The following ZNF423 variants were observed in gnomAD, a reference collection of about 807,000 sequenced individuals.
ZNF423 encodes the protein Ebf-associated zinc finger protein.
ZNF423 carries 12 observed loss-of-function variants against 95.8 expected under a neutral mutation model. The ratio of observed to expected loss-of-function variants is 0.13; its 90% CI spans 0.08 to 0.20. The LOEUF is 0.20. Among genes scored for constraint, ZNF423 ranks in the 10% least tolerant of loss-of-function variants. The pLI, the probability that ZNF423 is intolerant of heterozygous loss-of-function variation, is 1.00. For missense variants in ZNF423, 1,316 were observed against 1,737.1 expected (o/e 0.76, Z 4.31); for synonymous variants, 749 against 711.9 (o/e 1.05, Z -0.83).
chr16:49,550,582 C>G (rs140109584), intron 5 of ZNF423, among the ~76,000 whole-genome samples: 19 of 152,384 alleles, frequency 1.2e-4, no homozygotes, highest in African/African-American at 4.6e-4. Context: ...TTCTACAAAA[C>G]CTGCAGTCAA....
intron 1 of ZNF423, among the ~76,000 whole-genome samples, chr16:49,794,406 T>C (rs1213285592): frequency 6.6e-6 from 1 of 152,054 alleles, no homozygotes; most frequent in African/African-American, 2.4e-5. Context: ...TTCCATCCCA[T>C]TTCCTCTCCT....
At chr16:49,573,020 G>C (rs1473665889) in intron 5 of ZNF423, among the ~76,000 whole-genome samples, 1 of 152,248 alleles carries the variant, frequency 6.6e-6, no homozygotes, top group Non-Finnish European at 1.5e-5. Flanking sequence ...CTAGTGGACA[G>C]GTAGATGGAT....
chr16:49,617,569 C>A (rs1016946362), intron 5 of ZNF423, among the ~76,000 whole-genome samples: 1 of 152,226 alleles, frequency 6.6e-6, no homozygotes, highest in African/African-American at 2.4e-5. Flanking sequence ...CCAGGACCAG[C>A]TCCATCAGCA....
At chr16:49,646,348 C>T (rs1016572436) in intron 3 of ZNF423, among the ~76,000 whole-genome samples, 5 of 152,098 alleles carry the variant, frequency 3.3e-5, no homozygotes, top group Admixed American at 1.3e-4. Context: ...TCTTGGGAAA[C>T]CAGGGGTACT....
At chr16:49,517,882 C>T (rs145338866) in intron 7 of ZNF423, 2 of 444,208 alleles carry the variant, frequency 4.5e-6, no homozygotes, top group African/African-American at 4.1e-5. Context: ...CCATTTAAGA[C>T]TAACAATAGC....
At chr16:49,653,996 T>G (rs1973509861) in intron 3 of ZNF423, among the ~76,000 whole-genome samples, 1 of 152,222 alleles carries the variant, frequency 6.6e-6, no homozygotes, top group Admixed American at 6.5e-5. Context: ...GTAAGCTCCA[T>G]TTTGTTAAAC....
chr16:49,593,719 A>T (rs2151820519), intron 5 of ZNF423, among the ~76,000 whole-genome samples: 1 of 152,292 alleles, frequency 6.6e-6, no homozygotes, highest in East Asian at 1.9e-4. Flanking sequence ...ATGGCCTTAG[A>T]TCTCCGAGAA....
intron 2 of ZNF423, among the ~76,000 whole-genome samples, chr16:49,738,141 A>G (rs1211044636): frequency 1.3e-5 from 2 of 152,180 alleles, no homozygotes; most frequent in Non-Finnish European, 1.5e-5. Flanking sequence ...TTAAGTGCCT[A>G]CGGTGTGCCA....
intron 2 of ZNF423, among the ~76,000 whole-genome samples, chr16:49,735,711 C>T (rs1433751634): frequency 6.6e-6 from 1 of 152,184 alleles, no homozygotes; most frequent in African/African-American, 2.4e-5. Context: ...GCCCAAGCCA[C>T]ATGGAGAGAG....
intron 3 of ZNF423, among the ~76,000 whole-genome samples, chr16:49,691,574 T>C (rs889501752): frequency 6.6e-6 from 1 of 151,750 alleles, no homozygotes; most frequent in African/African-American, 2.4e-5. Flanking sequence ...CTACTAAACA[T>C]ACAAAAAATT....
rs1401306548 is a variant in ZNF423 at position 49,492,086 on chromosome 16, G to A, written c.3850-782C>T. Reference sequence around the variant, plus strand: ...GCATTTCCTCCCCCTGCCAGCCAGAGGGGGCCAGCAGGGTTGATCTGTTTC... The same window carrying A: ...GCATTTCCTCCCCCTGCCAGCCAGAAGGGGCCAGCAGGGTTGATCTGTTTC... On this transcript the variant is annotated intron_variant, in intron 7 of 7. Coordinates refer to ENST00000563137, the MANE Select transcript of ZNF423 (RefSeq NM_001379286.1). The surrounding 1 kb of genome is among the most constrained non-coding windows in gnomAD (Gnocchi z 4.2). 6.6e-6 allele frequency among the ~76,000 whole-genome samples: 1 copy of A among 152,250 alleles called. No homozygotes were observed. The highest frequency in any genetic ancestry group is 1.5e-5 in the Non-Finnish European group (1 of 68,040).
At position 49,826,824 on chromosome 16, in the gene ZNF423, C is replaced by T. The variant is rs764832313; in HGVS notation, c.40+28911G>A. 27 of 152,258 alleles carry T rather than the reference C, an allele frequency of 1.8e-4. No individual in the cohort carries two copies. In the Middle Eastern group the frequency reaches 0.01, roughly 58 times the overall value. The allele number at this position is 152,258 out of a possible 1,614,324, so 9.4% of individuals were successfully genotyped here. A position where few individuals can be genotyped will look rare whatever the true frequency, so the allele number is the denominator to read the frequency against. ...GACGCAACAAAACCTCCTTAATCTT[C>T]GATCCCAAAATTAGTCACCTGTGAT... is the stretch of plus-strand genomic sequence containing the variant. On this transcript the variant is annotated intron_variant, in intron 1 of 7. Coordinates refer to ENST00000563137, the MANE Select transcript of ZNF423 (RefSeq NM_001379286.1).
intron 3 of ZNF423, among the ~76,000 whole-genome samples, chr16:49,702,259 G>A (rs2032205640): frequency 1.3e-5 from 2 of 152,310 alleles, no homozygotes; most frequent in Non-Finnish European, 2.9e-5. Context: ...CACTGCCAGC[G>A]AGTCTCTGAA....
rs1055259457 is a variant in ZNF423, at chr16:49,525,619, G to A, written c.3602-125C>T. 5 of 1,379,430 alleles carry A rather than the reference G, an allele frequency of 3.6e-6. No homozygotes were observed. The East Asian group carries it at 7.0e-5, about 19-fold the overall frequency. The allele number at this position is 1,379,430 out of a possible 1,614,324, so 85.4% of individuals were successfully genotyped here. A position where few individuals can be genotyped will look rare whatever the true frequency, so the allele number is the denominator to read the frequency against. On this transcript the variant is annotated intron_variant, in intron 5 of 7. Coordinates refer to ENST00000563137, the MANE Select transcript of ZNF423 (RefSeq NM_001379286.1). ...AATCCCCAGCACCGGGGCTGGTGAA[G>A]GGACTGCAGACACCAAGACTCATCC...
intron 7 of ZNF423, among the ~76,000 whole-genome samples, chr16:49,506,801 G>A (rs1053891295): frequency 6.6e-6 from 1 of 151,996 alleles, no homozygotes; most frequent in African/African-American, 2.4e-5. Flanking sequence ...TGGATGAGTG[G>A]ATGGGTGGCT....
At chr16:49,550,076 C>A (rs969738429) in intron 5 of ZNF423, among the ~76,000 whole-genome samples, 3 of 152,120 alleles carry the variant, frequency 2.0e-5, no homozygotes, top group Non-Finnish European at 4.4e-5. Flanking sequence ...CTATGTTGTC[C>A]AAGCTGGTCT....
chr16:49,553,418 C>T (rs1969709926), intron 5 of ZNF423, among the ~76,000 whole-genome samples: 2 of 151,002 alleles, frequency 1.3e-5, no homozygotes, highest in Admixed American at 1.3e-4. Context: ...GCAATCATAG[C>T]TCACCGAAGC....
At chr16:49,763,265 TTTTTGTTTTTGTTTTGTTTTG>T (rs1446921693) in intron 2 of ZNF423, among the ~76,000 whole-genome samples, 1 of 151,786 alleles carries the variant, frequency 6.6e-6, no homozygotes, top group Non-Finnish European at 1.5e-5. Flanking sequence ...GGTTTTTTGG[TTTTTGTTTTTGTTTTGTTTTG>T]TTTTGTTTTT....
chr16:49,709,937 C>T lies in ZNF423; in HGVS notation c.301+20834G>A, dbSNP rs574445941. Among the ~76,000 whole-genome samples, 46 of 152,120 alleles carry T rather than the reference C, an allele frequency of 3.0e-4. 1 individual carries two copies. In the South Asian group the frequency reaches 7.3e-3, roughly 24 times the overall value. On this transcript the variant is annotated intron_variant, in intron 3 of 7. Transcript: ENST00000563137. The stretch of plus-strand genomic sequence containing the variant: ...AGATATTTTGTTATAGCAGCCAGAG[C>T]GGACTGAGGCAGCCACAATAATCAG...
Sources: gnomAD v4.1 joint callset for allele counts (sites outside exome capture counted in the v4.1 genomes callset) on GRCh38, gnomAD v4.1.1 for gene constraint, Gnocchi (gnomAD v3.1) non-coding constraint, MANE v1.5 for transcripts, NCBI Gene and HGNC (gene_info 2026-07-23, HGNC 2026-07-21) for gene names.